Variants in PHLPP1 observed in about 807,000 individuals in gnomAD.
The protein encoded by PHLPP1 is PH domain leucine-rich repeat-containing protein phosphatase 1.
Under a neutral mutation model 117.2 loss-of-function variants are expected in PHLPP1, and 42 were observed. That is an observed-to-expected ratio of 0.36 (90% CI 0.28 to 0.46). The LOEUF (loss-of-function observed/expected upper bound fraction) is 0.46, where lower values mean the gene tolerates loss of function less well. PHLPP1 is among the 20% of genes least tolerant of loss of function. The pLI is 1.00. For missense variants in PHLPP1, 2,084 were observed against 2,241.9 expected (o/e 0.93, Z 1.42); for synonymous variants, 1,042 against 970.7 (o/e 1.07, Z -1.37).
intron 1 of PHLPP1, among the ~76,000 whole-genome samples, chr18:62,720,448 G>A (rs1364642453): frequency 6.6e-6 from 1 of 152,134 alleles, no homozygotes; most frequent in African/African-American, 2.4e-5. Flanking sequence ...ATTTTTGTGT[G>A]TGACTCCTTG....
chr18:62,895,271 C>A, intron 5 of PHLPP1, 114 bp downstream of exon 5: 1 of 1,090,376 alleles, frequency 9.2e-7, no homozygotes, highest in Non-Finnish European at 1.3e-6. Flanking sequence ...AAGTCTTGGC[C>A]CCAAATCAAG....
At position 62,938,847 on chromosome 18, in the gene PHLPP1, G is replaced by A. The variant is rs576769732; in HGVS notation, c.2961-2871G>A. Among the ~76,000 whole-genome samples the A allele has an allele frequency of 5.6e-4, 85 of 152,188 alleles. 2 individuals carry two copies. The South Asian group carries it at 0.017, about 31-fold the overall frequency. The stretch of plus-strand genomic sequence containing the variant: ...CAGCTTTCTAGATGAGCATTCACTT[G>A]TCTGTTTTTAAAACATTCCCTCTTT... On this transcript the variant is annotated intron_variant, in intron 10 of 16. Coordinates refer to ENST00000262719, the MANE Select transcript of PHLPP1 (RefSeq NM_194449.4).
intron 3 of PHLPP1, among the ~76,000 whole-genome samples, chr18:62,843,917 A>G (rs905868646): frequency 1.6e-4 from 24 of 152,222 alleles, no homozygotes; most frequent in African/African-American, 5.8e-4. Context: ...CACTTTTTAA[A>G]GTGCATTCAT....
At chr18:62,773,493 T>G (rs1375266837) in intron 1 of PHLPP1, among the ~76,000 whole-genome samples, 1 of 152,222 alleles carries the variant, frequency 6.6e-6, no homozygotes, top group East Asian at 1.9e-4. Flanking sequence ...ATGGAAAGTT[T>G]CCTTGTTGTT....
intron 1 of PHLPP1, among the ~76,000 whole-genome samples, chr18:62,818,484 C>A (rs1296855542): frequency 6.6e-6 from 1 of 152,008 alleles, no homozygotes; most frequent in African/African-American, 2.4e-5. Flanking sequence ...GCCAAGATTG[C>A]GTCACTGCAC....
At chr18:62,762,346 A>C (rs1730661463) in intron 1 of PHLPP1, among the ~76,000 whole-genome samples, 2 of 150,578 alleles carry the variant, frequency 1.3e-5, no homozygotes, top group Admixed American at 1.3e-4. Flanking sequence ...TATTAAAAAA[A>C]AAAAACCTTA....
chr18:62,819,672 T>A (rs1042804670), intron 1 of PHLPP1, among the ~76,000 whole-genome samples: 3 of 152,120 alleles, frequency 2.0e-5, no homozygotes, highest in African/African-American at 7.2e-5. Flanking sequence ...AGAGACAGAA[T>A]TTTACTCTTG....
rs566666651 is a variant in PHLPP1 at position 62,920,960 on chromosome 18, T to C, written c.2960+846T>C. On this transcript the variant is annotated intron_variant, in intron 10 of 16. Transcript: ENST00000262719. ...AACAAACAAAATTTTCCTAAATTAC[T>C]TGTATCATACACTAAGCATTTGAAG... 6.6e-5 allele frequency among the ~76,000 whole-genome samples: 10 copies of C among 152,362 alleles called. No individual in the cohort carries two copies. The South Asian group carries it at 2.1e-3, about 32-fold the overall frequency.
At chr18:62,939,970 G>C (rs1460711514) in intron 10 of PHLPP1, among the ~76,000 whole-genome samples, 1 of 151,964 alleles carries the variant, frequency 6.6e-6, no homozygotes, top group Non-Finnish European at 1.5e-5. Context: ...CAAAGTGATT[G>C]AAATGAGGGA....
intron 1 of PHLPP1, among the ~76,000 whole-genome samples, chr18:62,779,901 C>T (rs551209284): frequency 1.0e-3 from 156 of 152,230 alleles, no homozygotes; most frequent in Non-Finnish European, 1.4e-3. Context: ...TGAGAGCTCT[C>T]TGGGCTGGAG....
chr18:62,898,193 G>T lies in PHLPP1; in HGVS notation c.2444+2182G>T, dbSNP rs1281279476. Among the ~76,000 whole-genome samples, 3 of 152,162 alleles carry T rather than the reference G, an allele frequency of 2.0e-5. No individual in the cohort carries two copies. The East Asian group carries it at 5.8e-4, about 29-fold the overall frequency. ...TTCCTTCTTTGACTTCTTGAGACCAGTTCCACTTAAGCTGCCAGCTGGATA... is the reference window on the plus strand; with the variant it reads ...TTCCTTCTTTGACTTCTTGAGACCATTTCCACTTAAGCTGCCAGCTGGATA... On this transcript the variant is annotated intron_variant, in intron 6 of 16. Coordinates refer to ENST00000262719, the MANE Select transcript of PHLPP1 (RefSeq NM_194449.4).
At position 62,975,674 on chromosome 18, in the gene PHLPP1, A is replaced by G. The variant is rs523039; in HGVS notation, c.3984+49A>G. The G allele has an allele frequency of 5.5e-3, 6,960 of 1,255,364 alleles. 288 individuals carry two copies. The African/African-American group carries it at 0.089, about 16-fold the overall frequency. 77.8% of individuals were successfully genotyped at this position (1,255,364 alleles called of 1,614,324 possible). A position where few individuals can be genotyped will look rare whatever the true frequency, so the allele number is the denominator to read the frequency against. On this transcript the variant is annotated intron_variant, in intron 16 of 16. Transcript: ENST00000262719. The stretch of plus-strand genomic sequence containing the variant: ...AGGATGGTGGAGAGGAGAGGAGAGG[A>G]GACCAGGTCATAGCAGAAACTAGCT...
chr18:62,735,782 A>G (rs905908807), intron 1 of PHLPP1, among the ~76,000 whole-genome samples: 4 of 152,166 alleles, frequency 2.6e-5, no homozygotes, highest in African/African-American at 7.2e-5. Flanking sequence ...ATCTTTTAGA[A>G]ACGTATGTAA....
chr18:62,940,363 T>TC, intron 10 of PHLPP1, among the ~76,000 whole-genome samples: 1 of 120,564 alleles, frequency 8.3e-6, no homozygotes, highest in Non-Finnish European at 1.8e-5. Context: ...TCTTTTTTTT[T>TC]TTTTTTTTTT....
intron 1 of PHLPP1, among the ~76,000 whole-genome samples, chr18:62,729,011 A>G (rs1342244118): frequency 2.6e-5 from 4 of 152,178 alleles, no homozygotes; most frequent in African/African-American, 9.7e-5. Context: ...TCCTGCGACC[A>G]GTGTTCTAAT....
At position 62,942,174 on chromosome 18, in the gene PHLPP1, G is replaced by A. The variant is rs778222880; in HGVS notation, c.3161+256G>A. 2.6e-5 allele frequency among the ~76,000 whole-genome samples: 4 copies of A among 152,108 alleles called. No individual in the cohort carries two copies. The East Asian group carries it at 5.8e-4, about 22-fold the overall frequency. On this transcript the variant is annotated intron_variant, in intron 11 of 16. Transcript: ENST00000262719. ...TGAAATAAAATGTGTTGTTTAGCAGGTATGTTTTTTCTTTTACTTCTTTTT... is the reference window on the plus strand; with the variant it reads ...TGAAATAAAATGTGTTGTTTAGCAGATATGTTTTTTCTTTTACTTCTTTTT...
intron 2 of PHLPP1, among the ~76,000 whole-genome samples, chr18:62,834,278 C>T (rs966635102): frequency 6.6e-6 from 1 of 152,080 alleles, no homozygotes; most frequent in Admixed American, 6.5e-5. Context: ...CTCTGTGGCT[C>T]ATTGGCCAGA....
intron 4 of PHLPP1, among the ~76,000 whole-genome samples, chr18:62,875,894 G>A (rs1448502061): frequency 7.9e-5 from 12 of 151,682 alleles, no homozygotes; most frequent in African/African-American, 2.4e-4. Context: ...CACCACATCC[G>A]GCTAATTTTT....
chr18:62,878,339 T>G (rs1016667985), intron 4 of PHLPP1, among the ~76,000 whole-genome samples: 6 of 152,230 alleles, frequency 3.9e-5, no homozygotes, highest in Admixed American at 2.6e-4. Context: ...GTTGCCGGTA[T>G]GAGAATGCTG....
Sources: gnomAD v4.1 joint callset for allele counts (sites outside exome capture counted in the v4.1 genomes callset) on GRCh38, gnomAD v4.1.1 for gene constraint, MANE v1.5 for transcripts, NCBI Gene and HGNC (gene_info 2026-07-23, HGNC 2026-07-21) for gene names.